PSD3: variants seen among roughly 807,000 people sequenced by gnomAD.
PSD3 encodes the protein pleckstrin and Sec7 domain containing 3, also known as PH and SEC7 domain-containing protein 3.
A neutral mutation model predicts 105.5 loss-of-function variants in PSD3; 49 were observed. The observed-to-expected ratio is 0.46, with a 90% CI of 0.37 to 0.59. The LOEUF is 0.59. Ranked by LOEUF, PSD3 falls within the 20% of genes least tolerant of loss-of-function variation. The pLI, the probability that PSD3 is intolerant of heterozygous loss-of-function variation, is 0.00. For synonymous variants in PSD3, 557 were observed against 457.8 expected, an observed-to-expected ratio of 1.22 and a Z score of -2.77; for missense variants, 1,561 against 1,263.8, an observed-to-expected ratio of 1.24 and a Z score of -3.57.
chr8:18,977,030 T>C (rs1372874133), intron 1 of PSD3, among the ~76,000 whole-genome samples: 1 of 152,010 alleles, frequency 6.6e-6, no homozygotes, highest in East Asian at 1.9e-4. Context: ...TAAGAAATGG[T>C]GGGTGGATCA....
In PSD3 at chr8:18,594,546, G is replaced by C. The variant is rs190145891; in HGVS notation, c.2481+5818C>G. 4.9e-4 allele frequency among the ~76,000 whole-genome samples: 72 copies of C among 147,002 alleles called. 2 individuals carry two copies. Among genetic ancestry groups the C allele is most frequent in the African/African-American group, 1.8e-3 (71 of 39,316 alleles). On this transcript the variant is annotated intron_variant, in intron 12 of 15. Transcript: ENST00000327040. ...CATCACTGCTGGACTTGCCTTACAAGAAAGGCTAAAGGGAGTTCAACTTGA... is the reference window on the plus strand; with the variant it reads ...CATCACTGCTGGACTTGCCTTACAACAAAGGCTAAAGGGAGTTCAACTTGA...
At position 18,936,057 on chromosome 8, in the gene PSD3, G is replaced by T. The variant is rs371401411; in HGVS notation, c.107C>A (p.Ser36Tyr). ...KAKYEFLFGR[S>Y]EGKAPDTSDH... The stretch of plus-strand genomic sequence containing the variant: ...ACTAGTATCTGGAGCTTTCCCTTCA[G>T]ATCTGCCAAATAAAAATTCATATTT... The change falls in exon 2 of 16, where the codon TCT becomes TAT. Residue 36 changes from serine to tyrosine, a missense_variant. Ser to Tyr is a moderately radical substitution (Grantham distance 144). Coordinates refer to ENST00000327040, the MANE Select transcript of PSD3 (RefSeq NM_015310.4). 6.2e-6 allele frequency: 10 copies of T among 1,612,278 alleles called. No individual in the cohort carries two copies. The highest frequency in any genetic ancestry group is 1.1e-5 in the South Asian group (1 of 91,018).
At chr8:18,629,386 G>A (rs572824029) in intron 11 of PSD3, among the ~76,000 whole-genome samples, 10 of 151,994 alleles carry the variant, frequency 6.6e-5, no homozygotes, top group African/African-American at 9.6e-5. Flanking sequence ...ACATATGTAC[G>A]TGCAAAAACT....
chr8:18,538,407 A>G (rs1013606286), intron 15 of PSD3, among the ~76,000 whole-genome samples: 1 of 152,222 alleles, frequency 6.6e-6, no homozygotes, highest in African/African-American at 2.4e-5. Flanking sequence ...GAACAAGATA[A>G]TATCCACAGG....
intron 2 of PSD3, among the ~76,000 whole-genome samples, chr8:18,917,759 A>G (rs1586420504): frequency 6.6e-6 from 1 of 152,132 alleles, no homozygotes; most frequent in East Asian, 1.9e-4. Flanking sequence ...AACACATCAG[A>G]AGATGAGAAA....
chr8:18,643,381 AT>A (rs1807793561), intron 10 of PSD3, among the ~76,000 whole-genome samples: 1 of 152,214 alleles, frequency 6.6e-6, no homozygotes. Flanking sequence ...CATTCATTTC[AT>A]CACAGTGACC....
intron 8 of PSD3, chr8:18,774,507 C>CT (rs201076434): frequency 1.2e-3 from 286 of 244,670 alleles, no homozygotes; most frequent in East Asian, 3.0e-3. Flanking sequence ...AACCTAACAC[C>CT]TTTTTTTTTC....
chr8:18,808,085 T>G (rs190359387), intron 4 of PSD3, among the ~76,000 whole-genome samples: 2 of 152,262 alleles, frequency 1.3e-5, no homozygotes, highest in African/African-American at 2.4e-5. Context: ...AGGCAATTCA[T>G]GGTTACTTTG....
rs575090430 is a variant in PSD3, at chr8:18,829,684, G to C, written c.1635-24786C>G. ...AATCAGATGTCTCTATGAAGCCTGC[G>C]GAAACCCTCGACTGACATGACTTCA... On this transcript the variant is annotated intron_variant, in intron 4 of 15. Coordinates refer to ENST00000327040, the MANE Select transcript of PSD3 (RefSeq NM_015310.4). 2.0e-5 allele frequency among the ~76,000 whole-genome samples: 3 copies of C among 152,130 alleles called. No individual in the cohort carries two copies. The South Asian group carries it at 6.2e-4, about 32-fold the overall frequency.
intron 11 of PSD3, among the ~76,000 whole-genome samples, chr8:18,601,000 T>C (rs1804402905): frequency 6.6e-6 from 1 of 152,252 alleles, no homozygotes; most frequent in Non-Finnish European, 1.5e-5. Flanking sequence ...GATCTTGCTG[T>C]AATGTACTAT....
chr8:18,562,473 A>G (rs1306685514), intron 14 of PSD3, among the ~76,000 whole-genome samples: 1 of 152,208 alleles, frequency 6.6e-6, no homozygotes, highest in Non-Finnish European at 1.5e-5. Context: ...TGACAGATCA[A>G]TCCTGAACTC....
At chr8:18,750,436 G>A (rs1805380459) in intron 9 of PSD3, among the ~76,000 whole-genome samples, 2 of 152,142 alleles carry the variant, frequency 1.3e-5, no homozygotes, top group Admixed American at 6.5e-5. Context: ...TGGGCTCGTG[G>A]TCTTGCTGGG....
intron 1 of PSD3, among the ~76,000 whole-genome samples, chr8:19,059,070 C>T (rs765455509): frequency 6.6e-6 from 1 of 152,208 alleles, no homozygotes; most frequent in Non-Finnish European, 1.5e-5. Flanking sequence ...TGTATTGAGG[C>T]TGAACGCTGC....
At chr8:18,799,182 G>A (rs898250458) in intron 8 of PSD3, 113 bp downstream of exon 8, 16 of 917,960 alleles carry the variant, frequency 1.7e-5, no homozygotes, top group East Asian at 1.2e-4. Context: ...CACCTGCCAT[G>A]GGAACCATGT....
At chr8:18,966,125 TAA>T (rs1824227613) in intron 1 of PSD3, among the ~76,000 whole-genome samples, 1 of 152,200 alleles carries the variant, frequency 6.6e-6, no homozygotes, top group Non-Finnish European at 1.5e-5. Context: ...TGAATCTCAG[TAA>T]AGAGTTGACT....
chr8:18,758,841 G>A (rs1009072859), intron 9 of PSD3, among the ~76,000 whole-genome samples: 32 of 152,078 alleles, frequency 2.1e-4, no homozygotes, highest in Admixed American at 1.6e-3. Context: ...AAACGGGATG[G>A]AGGTATCCTA....
intron 1 of PSD3, among the ~76,000 whole-genome samples, chr8:18,985,488 T>C (rs902396134): frequency 2.0e-5 from 3 of 152,194 alleles, no homozygotes; most frequent in African/African-American, 7.2e-5. Context: ...AGAGATGATA[T>C]AAAACATATT....
At chr8:18,641,480 C>T (rs10099184) in intron 10 of PSD3, among the ~76,000 whole-genome samples, 60,540 of 151,976 alleles carry the variant, frequency 0.4, 12,632 homozygotes, top group Middle Eastern at 0.52. Context: ...CTCCACAGAG[C>T]TGTGTACAAA....
chr8:18,925,506 A>C (rs2129467857), intron 2 of PSD3, among the ~76,000 whole-genome samples: 1 of 152,264 alleles, frequency 6.6e-6, no homozygotes, highest in Non-Finnish European at 1.5e-5. Context: ...CTAAAGATAT[A>C]CAGGTTGAGC....
Sources: gnomAD v4.1 joint callset for allele counts (sites outside exome capture counted in the v4.1 genomes callset) on GRCh38, gnomAD v4.1.1 for gene constraint, MANE v1.5 for transcripts, NCBI Gene and HGNC (gene_info 2026-07-23, HGNC 2026-07-21) for gene names.